The following HDAC9 variants were observed in gnomAD, a reference collection of about 807,000 sequenced individuals.
HDAC9 encodes the protein histone deacetylase 9.
Under a neutral mutation model 139.4 loss-of-function variants are expected in HDAC9, and 41 were observed. That is an observed-to-expected ratio of 0.29 (90% confidence interval 0.23 to 0.38). The LOEUF (loss-of-function observed/expected upper bound fraction) is 0.38. Among genes scored for constraint, HDAC9 ranks in the 10% least tolerant of loss-of-function variants. The pLI is 1.00. For synonymous variants in HDAC9, 517 were observed against 476.2 expected, an observed-to-expected ratio of 1.09 and a Z score of -1.12; for missense variants, 1,147 against 1,297.0, an observed-to-expected ratio of 0.88 and a Z score of 1.78.
intron 22 of HDAC9, among the ~76,000 whole-genome samples, chr7:18,919,946 G>A (rs2129295473): frequency 6.6e-6 from 1 of 152,190 alleles, no homozygotes; most frequent in South Asian, 2.1e-4. Context: ...CTCCAGCTTT[G>A]TTCTTTTGGC....
intron 16 of HDAC9, among the ~76,000 whole-genome samples, chr7:18,783,527 G>A (rs140936647): frequency 7.9e-5 from 12 of 152,190 alleles, no homozygotes; most frequent in African/African-American, 2.4e-4. Context: ...GGCAGAGGCT[G>A]GAATCCTTCA....
At chr7:18,384,868 C>T (rs1785771035) in intron 1 of HDAC9, among the ~76,000 whole-genome samples, 1 of 152,036 alleles carries the variant, frequency 6.6e-6, no homozygotes, top group Non-Finnish European at 1.5e-5. Context: ...CTCATTCCAT[C>T]CCAGTAGCTC....
chr7:18,132,585 T>C (rs779232653), intron 1 of HDAC9, among the ~76,000 whole-genome samples: 9 of 152,132 alleles, frequency 5.9e-5, no homozygotes, highest in Non-Finnish European at 1.2e-4. Flanking sequence ...TGATTGAAGT[T>C]TTTAGCCTCC....
chr7:18,612,412 A>G lies in HDAC9; in HGVS notation c.665-16938A>G, dbSNP rs1322976276. 2.0e-5 allele frequency among the ~76,000 whole-genome samples: 3 copies of G among 152,140 alleles called. No homozygotes were observed. In the South Asian group the frequency reaches 6.2e-4, roughly 32 times the overall value. The stretch of plus-strand genomic sequence containing the variant: ...TTTTTAAGAATTAATATACTTACTT[A>G]TTGTTATTACAGTGATGTTATGAGT... On this transcript the variant is annotated intron_variant, in intron 6 of 25. Transcript: ENST00000686413.
At chr7:18,331,284 G>T (rs1800901152) in intron 1 of HDAC9, among the ~76,000 whole-genome samples, 2 of 151,496 alleles carry the variant, frequency 1.3e-5, no homozygotes, top group African/African-American at 4.8e-5. Context: ...AAATGTCTTT[G>T]CCTTTGCCTA....
chr7:18,944,824 G>T (rs1782264298), intron 23 of HDAC9, among the ~76,000 whole-genome samples: 1 of 151,914 alleles, frequency 6.6e-6, no homozygotes, highest in South Asian at 2.1e-4. Flanking sequence ...TACTCATTTT[G>T]CTTAAGAGAT....
intron 1 of HDAC9, among the ~76,000 whole-genome samples, chr7:18,382,144 A>G (rs1785501148): frequency 6.6e-6 from 1 of 152,228 alleles, no homozygotes; most frequent in South Asian, 2.1e-4. Flanking sequence ...GGAAATATCC[A>G]AAATATGTTC....
rs1454651411 is a variant in HDAC9, at chr7:18,322,300, G to T, written c.-42+31785G>T. On this transcript the variant is annotated intron_variant, in intron 1 of 3. Coordinates refer to the HDAC9 transcript ENST00000413509. ...TTTCTTTTTCATAATCACAAACTTT[G>T]GGCATAAGAGAAAGATTTTTGGATG... Among the ~76,000 whole-genome samples the T allele has an allele frequency of 2.6e-5, 4 of 152,202 alleles. No homozygotes were observed. The East Asian group carries it at 7.7e-4, about 29-fold the overall frequency.
At chr7:18,983,139 T>C (rs954471474) in intron 25 of HDAC9, among the ~76,000 whole-genome samples, 9 of 152,204 alleles carry the variant, frequency 5.9e-5, no homozygotes, top group African/African-American at 1.9e-4. Context: ...TCAACCATCA[T>C]TCTGCTTTCT....
intron 2 of HDAC9, among the ~76,000 whole-genome samples, chr7:18,200,987 C>T (rs756487755): frequency 6.6e-6 from 1 of 152,152 alleles, no homozygotes; most frequent in Non-Finnish European, 1.5e-5. Context: ...TCATAGAATG[C>T]TGGAGCCTGT....
intron 22 of HDAC9, among the ~76,000 whole-genome samples, chr7:18,916,373 T>C (rs1009762197): frequency 6.6e-6 from 1 of 152,048 alleles, no homozygotes; most frequent in African/African-American, 2.4e-5. Context: ...GTTTTACAAA[T>C]GAGAAAGTGA....
intron 14 of HDAC9, among the ~76,000 whole-genome samples, chr7:18,751,086 T>A (rs953456709): frequency 6.6e-6 from 1 of 152,172 alleles, no homozygotes; most frequent in Admixed American, 6.6e-5. Flanking sequence ...GGTCTAAAAA[T>A]TAGAAAGTCT....
intron 1 of HDAC9, among the ~76,000 whole-genome samples, chr7:18,412,582 A>G (rs1788672013): frequency 1.3e-5 from 2 of 152,216 alleles, no homozygotes; most frequent in African/African-American, 4.8e-5. Flanking sequence ...AGGATCCGGC[A>G]GTTCAGATGT....
intron 22 of HDAC9, among the ~76,000 whole-genome samples, chr7:18,912,730 T>TA (rs1802848479): frequency 6.6e-6 from 1 of 152,084 alleles, no homozygotes; most frequent in African/African-American, 2.4e-5. Flanking sequence ...ATTTTAATTT[T>TA]AAAAAACAAA....
intron 6 of HDAC9, among the ~76,000 whole-genome samples, chr7:18,618,334 G>A (rs1310397611): frequency 6.6e-6 from 1 of 152,068 alleles, no homozygotes; most frequent in Admixed American, 6.6e-5. Flanking sequence ...GTCAAGACTG[G>A]AAAACAACTC....
intron 25 of HDAC9, among the ~76,000 whole-genome samples, chr7:18,977,612 C>T (rs1252271716): frequency 6.6e-6 from 1 of 152,052 alleles, no homozygotes; most frequent in African/African-American, 2.4e-5. Context: ...TTAACCTTGG[C>T]TTCAGTCCAC....
At chr7:18,834,717 G>A (rs890533352) in intron 19 of HDAC9, among the ~76,000 whole-genome samples, 2 of 152,126 alleles carry the variant, frequency 1.3e-5, no homozygotes, top group African/African-American at 2.4e-5. Flanking sequence ...ATGCTCCTGC[G>A]TCTTCGACTC....
intron 11 of HDAC9, among the ~76,000 whole-genome samples, chr7:18,649,156 G>A (rs747740024): frequency 5.3e-5 from 8 of 152,134 alleles, no homozygotes; most frequent in Non-Finnish European, 7.4e-5. Context: ...TCCAATAAGC[G>A]TTTGGAGTAG....
intron 12 of HDAC9, among the ~76,000 whole-genome samples, chr7:18,685,623 G>T (rs1310085111): frequency 5.9e-5 from 9 of 151,882 alleles, no homozygotes; most frequent in African/African-American, 2.2e-4. Flanking sequence ...CTAACTAGTA[G>T]AAAAAAGATT....
Sources: allele counts gnomAD v4.1 joint callset (sites outside exome capture counted in the v4.1 genomes callset), GRCh38; gene constraint gnomAD v4.1.1; transcripts MANE v1.5; gene names NCBI Gene and HGNC (gene_info 2026-07-23, HGNC 2026-07-21).